The following SOX13 variants were observed in gnomAD, a reference collection of about 807,000 sequenced individuals.
SOX13 encodes transcription factor SOX-13.
SOX13 carries 28 observed loss-of-function variants against 71.8 expected under a neutral mutation model. The ratio of observed to expected loss-of-function variants is 0.39; its 90% CI spans 0.29 to 0.53. The LOEUF (loss-of-function observed/expected upper bound fraction) is 0.53. Among genes scored for constraint, SOX13 ranks in the 20% least tolerant of loss-of-function variants. SOX13 has a pLI of 0.70. For missense variants in SOX13, 627 were observed against 810.3 expected, an observed-to-expected ratio of 0.77 and a Z score of 2.75; for synonymous variants, 309 against 317.8, an observed-to-expected ratio of 0.97 and a Z score of 0.29.
intron 1 of SOX13, among the ~76,000 whole-genome samples, chr1:204,085,709 T>C (rs1393252510): frequency 1.4e-4 from 21 of 150,844 alleles, no homozygotes; most frequent in Admixed American, 1.3e-3. Flanking sequence ...GCCTGGTGGC[T>C]CACCCCTGTA....
intron 1 of SOX13, among the ~76,000 whole-genome samples, chr1:204,109,802 G>A (rs1176720047): frequency 1.3e-5 from 2 of 151,866 alleles, no homozygotes; most frequent in African/African-American, 4.8e-5. Flanking sequence ...CGTATACCTT[G>A]TTTTTTATTT....
In SOX13 at chr1:204,126,402, A is replaced by ACACTGTAT. The variant is rs1187504526; in HGVS notation, c.*269_*276dup. 1 of 504,840 alleles carries ACACTGTAT rather than the reference A, an allele frequency of 2.0e-6. No homozygotes were observed. Among genetic ancestry groups the ACACTGTAT allele is most frequent in the African/African-American group, 1.9e-5 (1 of 52,188 alleles). 31.3% of individuals were successfully genotyped at this position (504,840 alleles called of 1,614,324 possible). A position where few individuals can be genotyped will look rare whatever the true frequency, so the allele number is the denominator to read the frequency against. On this transcript the variant is annotated 3_prime_UTR_variant, in exon 14 of 14. Transcript: ENST00000367204. The stretch of plus-strand genomic sequence containing the variant: ...AGCCTTTAGGGCTTATGGCCAGGGG[A>ACACTGTAT]CACTGTATGACTCTCCTCTCCTGCA...
At chr1:204,096,680 G>T (rs560088944) in intron 1 of SOX13, among the ~76,000 whole-genome samples, 4 of 151,342 alleles carry the variant, frequency 2.6e-5, no homozygotes, top group Non-Finnish European at 4.4e-5. Context: ...CTCCCAAAGT[G>T]CTGGGATTAT....
intron 1 of SOX13, among the ~76,000 whole-genome samples, chr1:204,110,140 T>C (rs7549807): frequency 0.33 from 50,715 of 151,794 alleles, 10,201 homozygotes; most frequent in Middle Eastern, 0.5. Flanking sequence ...CCAGTTGTTA[T>C]CATTTCTGAG....
At chr1:204,104,864 C>G (rs564238095) in intron 1 of SOX13, among the ~76,000 whole-genome samples, 1 of 151,506 alleles carries the variant, frequency 6.6e-6, no homozygotes, top group African/African-American at 2.5e-5. Context: ...GGAAGGCTGT[C>G]GTTGTGGAGG....
At chr1:204,104,322 A>G (rs1332190768) in intron 1 of SOX13, among the ~76,000 whole-genome samples, 1 of 152,210 alleles carries the variant, frequency 6.6e-6, no homozygotes, top group East Asian at 1.9e-4. Flanking sequence ...CCCAGGGCTC[A>G]CAGAGGCTGG....
chr1:204,120,392 C>T (rs577432937), intron 7 of SOX13, among the ~76,000 whole-genome samples: 4 of 152,226 alleles, frequency 2.6e-5, no homozygotes, highest in Non-Finnish European at 5.9e-5. Context: ...TGTGGGAGCC[C>T]GGGACTGGCA....
intron 13 of SOX13, 76 bp from the exon 14 acceptor site, chr1:204,125,782 G>A: frequency 6.7e-7 from 1 of 1,483,974 alleles, no homozygotes; most frequent in African/African-American, 1.4e-5. Flanking sequence ...CATGCTCTGA[G>A]GAGGCCTGGA....
rs1304072308 is a variant in SOX13, at chr1:204,122,949, A to G, written c.1120A>G (p.Thr374Ala). The G allele has an allele frequency of 3.2e-6, 5 of 1,583,650 alleles. No homozygotes were observed. The highest frequency in any genetic ancestry group is 1.7e-4 in the Middle Eastern group (1 of 6,006). Residue 374 changes from threonine to alanine, a missense_variant, in exon 10 of 14, where the codon ACC (threonine) becomes GCC (alanine). Thr to Ala is a moderately conservative substitution (Grantham distance 58). This residue lies in a region of SOX13 where 447 missense variants were observed against 532.2 expected (regional missense o/e 0.84). Transcript: ENST00000367204. ...HSGALDGSPN[T>A]PFRKDLISLD... The stretch of plus-strand genomic sequence containing the variant: ...TGGGGCCTTGGATGGCTCCCCCAAC[A>G]CCCCCTTCCGTAAGGTATGGTCCCC...
intron 1 of SOX13, among the ~76,000 whole-genome samples, chr1:204,109,321 T>G (rs1411095394): frequency 6.6e-6 from 1 of 152,226 alleles, no homozygotes; most frequent in Admixed American, 6.5e-5. Flanking sequence ...CATGCACTCA[T>G]GCACTGCTTG....
At position 204,123,988 on chromosome 1, in the gene SOX13, G is replaced by A. The variant is rs1051935192; in HGVS notation, c.1375+184G>A. On this transcript the variant is annotated intron_variant, in intron 12 of 13. Coordinates refer to ENST00000367204, the MANE Select transcript of SOX13 (RefSeq NM_005686.3). This position sits in a 1 kb window ranked among gnomAD's most constrained non-coding sequence, Gnocchi z 5.0. Reference sequence around the variant, plus strand: ...GGTCCTGGGGTCTTATATCACTGAAGTGTTCGGTAGCACCTGTCCTCAAGA... The same window carrying A: ...GGTCCTGGGGTCTTATATCACTGAAATGTTCGGTAGCACCTGTCCTCAAGA... Among the ~76,000 whole-genome samples the A allele has an allele frequency of 6.6e-6, 1 of 152,190 alleles. No individual in the cohort carries two copies.
Position 204,123,381 on chromosome 1 carries a change from C to T in SOX13, c.1231+173C>T. Among the ~76,000 whole-genome samples, 1 of 152,192 alleles carries T rather than the reference C, an allele frequency of 6.6e-6. No individual in the cohort carries two copies. The highest frequency in any genetic ancestry group is 1.9e-4 in the East Asian group (1 of 5,196). ...TCTGTCGGCTCTGTCTCTGAGTCTG[C>T]TTTCCTAAGTTTTGTGACTGCTGAG... is the stretch of plus-strand genomic sequence containing the variant. On this transcript the variant is annotated intron_variant, in intron 11 of 13. Transcript: ENST00000367204. The surrounding 1 kb of genome is among the most constrained non-coding windows in gnomAD (Gnocchi z 5.0).
At chr1:204,121,771 G>A (rs2736718) in intron 7 of SOX13, 129 bp from the exon 8 acceptor site, 3 of 718,498 alleles carry the variant, frequency 4.2e-6, no homozygotes, top group South Asian at 1.5e-5. Context: ...GCTGGGGAGG[G>A]CAGTGGTTGG....
intron 2 of SOX13, 65 bp from the exon 3 acceptor site, chr1:204,114,256 C>A: frequency 8.9e-7 from 1 of 1,124,528 alleles, no homozygotes; most frequent in Non-Finnish European, 1.3e-6. Flanking sequence ...TTGGGGTGCC[C>A]AGCCCTCCCT....
rs1379783693 is a variant in SOX13 at position 204,081,503 on chromosome 1, C to T, written c.-2+7792C>T. 6.6e-6 allele frequency among the ~76,000 whole-genome samples: 1 copy of T among 152,124 alleles called. No homozygotes were observed. The highest frequency in any genetic ancestry group is 2.4e-5 in the African/African-American group (1 of 41,428). On this transcript the variant is annotated intron_variant, in intron 1 of 13. Transcript: ENST00000367204. This position sits in a 1 kb window ranked among gnomAD's most constrained non-coding sequence, Gnocchi z 4.3. Reference sequence around the variant, plus strand: ...CCTTTCACGATGACAACTGAGTGGGCCCCACGGACCCCCTGGCGGGCTCTG... The same window carrying T: ...CCTTTCACGATGACAACTGAGTGGGTCCCACGGACCCCCTGGCGGGCTCTG...
rs150918879 is a variant in SOX13, at chr1:204,087,237, A to G, written c.-2+13526A>G. ...GCGCCCAGCTTTTCTCCTTCCTTCC[A>G]TGACTTCTGCAGAGGCAAAAGGGCC... On this transcript the variant is annotated intron_variant, in intron 1 of 13. Transcript: ENST00000367204. 7.6e-4 allele frequency among the ~76,000 whole-genome samples: 116 copies of G among 152,230 alleles called. 1 individual carries two copies. Among genetic ancestry groups the G allele is most frequent in the Non-Finnish European group, 1.3e-3 (91 of 67,992 alleles).
chr1:204,121,743 T>A (rs1656809356), intron 7 of SOX13, 157 bp from the exon 8 acceptor site: 1 of 695,504 alleles, frequency 1.4e-6, no homozygotes, highest in East Asian at 2.7e-5. Context: ...GATAGGAGCC[T>A]CCAAGCAGTG....
In SOX13 at chr1:204,116,381, C is replaced by G. The variant is rs137886129; in HGVS notation, c.419-126C>G. 27 of 1,582,686 alleles carry G rather than the reference C, an allele frequency of 1.7e-5. No homozygotes were observed. In the East Asian group the frequency reaches 6.2e-4, roughly 36 times the overall value. On this transcript the variant is annotated intron_variant, in intron 4 of 13. Coordinates refer to ENST00000367204, the MANE Select transcript of SOX13 (RefSeq NM_005686.3). ...ATCTTGTGTCATCATCTCTGTGGCT[C>G]AGCCCCTAATGGTCCTGGGACATAG... is the stretch of plus-strand genomic sequence containing the variant.
chr1:204,116,747 T>G, intron 5 of SOX13, 68 bp downstream of exon 5: 2 of 1,587,184 alleles, frequency 1.3e-6, no homozygotes, highest in African/African-American at 2.7e-5. Context: ...TAGAGAAGGC[T>G]GCCTTAGGGA....
Sources: allele counts gnomAD v4.1 joint callset (sites outside exome capture counted in the v4.1 genomes callset), GRCh38; gene constraint gnomAD v4.1.1; regional missense constraint gnomAD v4.1.1; non-coding constraint Gnocchi (gnomAD v3.1); transcripts MANE v1.5; gene names NCBI Gene and HGNC (gene_info 2026-07-23, HGNC 2026-07-21).